AP2A1: variants seen among roughly 807,000 people sequenced by gnomAD.
AP2A1 encodes the protein AP-2 complex subunit alpha-1.
AP2A1 carries 21 observed loss-of-function variants against 107.3 expected under a neutral mutation model. That is an observed-to-expected ratio of 0.20 (90% confidence interval 0.14 to 0.28). AP2A1 has a LOEUF of 0.28. Ranked by LOEUF, AP2A1 falls within the 10% of genes least tolerant of loss-of-function variation. AP2A1 has a pLI of 1.00. For missense variants in AP2A1, 873 were observed against 1,307.7 expected (o/e 0.67, Z 5.13); for synonymous variants, 602 against 564.8 (o/e 1.07, Z -0.93).
At chr19:49,800,449 T>G (rs2073264147) in intron 11 of AP2A1, among the ~76,000 whole-genome samples, 1 of 152,010 alleles carries the variant, frequency 6.6e-6, no homozygotes, top group Admixed American at 6.6e-5. Context: ...CAGTCCTGTT[T>G]TTTGTTTGTT....
At position 49,806,220 on chromosome 19, in the gene AP2A1, T is replaced by A; in HGVS notation, c.2757T>A (p.Cys919Ter). Reference sequence around the variant, plus strand: ...AGACTAAAGCCCTGCAGGTGGGCTGTCTGCTTCGGCTGGAGCCCAATGCCC... The same window carrying A: ...AGACTAAAGCCCTGCAGGTGGGCTGACTGCTTCGGCTGGAGCCCAATGCCC... ...IIQTKALQVG[C>*]LLRLEPNAQA... Residue 919 changes from cysteine (C) to a stop codon, truncating the protein, a stop_gained, in exon 22 of 23, where the codon TGT becomes TGA. Transcript: ENST00000354293. LOFTEE classifies it high-confidence loss of function. 6.2e-7 allele frequency: 1 copy of A among 1,607,628 alleles called. No individual in the cohort carries two copies. Among genetic ancestry groups the A allele is most frequent in the Non-Finnish European group, 8.5e-7 (1 of 1,177,422 alleles).
At position 49,782,743 on chromosome 19, in the gene AP2A1, G is replaced by T; in HGVS notation, c.473+19G>T. On this transcript the variant is annotated intron_variant, in intron 4 of 22. Coordinates refer to ENST00000354293, the MANE Select transcript of AP2A1 (RefSeq NM_130787.3). ...TGGCCGGGTAAGGCACTGGGGACCC[G>T]TTGGCAGTGGGGGGCCTGGGGGTGA... The T allele has an allele frequency of 6.4e-7, 1 of 1,567,986 alleles. No individual in the cohort carries two copies. The highest frequency in any genetic ancestry group is 8.6e-7 in the Non-Finnish European group (1 of 1,161,690).
At chr19:49,795,496 A>G (rs2073200511) in intron 6 of AP2A1, 134 bp from the exon 7 acceptor site, 1 of 651,808 alleles carries the variant, frequency 1.5e-6, no homozygotes, top group South Asian at 1.8e-5. Flanking sequence ...GTCTCTACAA[A>G]AAAAACCCAC....
chr19:49,772,433 C>G (rs2084572546), intron 1 of AP2A1, among the ~76,000 whole-genome samples: 1 of 151,450 alleles, frequency 6.6e-6, no homozygotes, highest in African/African-American at 2.4e-5. Context: ...CTACCTCGGC[C>G]TCCCGAAGTG....
At chr19:49,781,472 C>T (rs2084674625) in intron 1 of AP2A1, among the ~76,000 whole-genome samples, 1 of 152,006 alleles carries the variant, frequency 6.6e-6, no homozygotes, top group Non-Finnish European at 1.5e-5. Context: ...TGTCTGGGGC[C>T]CTGAGGAGCC....
chr19:49,803,198 C>T lies in AP2A1; in HGVS notation c.2254+9C>T, dbSNP rs767929990. The T allele has an allele frequency of 2.5e-6, 4 of 1,613,740 alleles. No individual in the cohort carries two copies. Among genetic ancestry groups the T allele is most frequent in the Admixed American group, 3.3e-5 (2 of 59,992 alleles). On this transcript the variant is annotated intron_variant, in intron 17 of 22. Transcript: ENST00000354293. Reference sequence around the variant, plus strand: ...GTTCCGACAGAACCTGGGTGTGTCCCGGGGGACTGTGGGAATGGGTCGGAG... The same window carrying T: ...GTTCCGACAGAACCTGGGTGTGTCCTGGGGGACTGTGGGAATGGGTCGGAG...
At chr19:49,789,415 C>T (rs1053358387) in intron 4 of AP2A1, among the ~76,000 whole-genome samples, 30 of 152,174 alleles carry the variant, frequency 2.0e-4, no homozygotes, top group South Asian at 6.2e-4. Flanking sequence ...CCCAGCCTCC[C>T]GAGTAGCTAG....
intron 1 of AP2A1, 68 bp downstream of exon 1, chr19:49,767,268 G>C: frequency 1.9e-6 from 3 of 1,563,474 alleles, no homozygotes; most frequent in South Asian, 1.1e-5. Context: ...GGGGTTTGGG[G>C]ATCACAGAGG....
chr19:49,798,728 G>C (rs2073241020), intron 7 of AP2A1, 74 bp from the exon 8 acceptor site: 3 of 1,531,208 alleles, frequency 2.0e-6, no homozygotes, highest in Admixed American at 2.1e-5. Context: ...AGGAGCTGGG[G>C]CATGGCCACC....
At position 49,782,727 on chromosome 19, in the gene AP2A1, A is replaced by G. The variant is rs376080245; in HGVS notation, c.473+3A>G. The G allele has an allele frequency of 3.1e-6, 5 of 1,591,934 alleles. No individual in the cohort carries two copies. The highest frequency in any genetic ancestry group is 4.3e-6 in the Non-Finnish European group (5 of 1,172,894). ...ATCCCCCGCATCCTGGTGGCCGGGT[A>G]AGGCACTGGGGACCCGTTGGCAGTG... is the stretch of plus-strand genomic sequence containing the variant. On this transcript the variant is annotated splice_donor_region_variant and intron_variant, in intron 4 of 22. Coordinates refer to ENST00000354293, the MANE Select transcript of AP2A1 (RefSeq NM_130787.3).
At chr19:49,799,097 T>C in intron 8 of AP2A1, 145 bp downstream of exon 8, 1 of 1,278,990 alleles carries the variant, frequency 7.8e-7, no homozygotes, top group Non-Finnish European at 1.1e-6. Flanking sequence ...AAGTGTCACC[T>C]GTGAGGTTGG....
At chr19:49,770,333 A>AT (rs898377694) in intron 1 of AP2A1, among the ~76,000 whole-genome samples, 42 of 152,236 alleles carry the variant, frequency 2.8e-4, no homozygotes, top group African/African-American at 9.4e-4. Flanking sequence ...AGCCACAGGA[A>AT]TTAGGGCTGG....
chr19:49,770,715 G>A (rs961715695), intron 1 of AP2A1, among the ~76,000 whole-genome samples: 1 of 152,190 alleles, frequency 6.6e-6, no homozygotes, highest in African/African-American at 2.4e-5. Context: ...AAAGAAGCCA[G>A]ACACAGGAGG....
chr19:49,800,865 T>G, intron 11 of AP2A1, 96 bp from the exon 12 acceptor site: 1 of 1,015,160 alleles, frequency 9.9e-7, no homozygotes, highest in Non-Finnish European at 1.4e-6. Context: ...GCAGCAGAGC[T>G]TTCAGTGTTC....
At chr19:49,792,116 C>A (rs2073150827) in intron 5 of AP2A1, 52 bp downstream of exon 5, 15 of 1,586,052 alleles carry the variant, frequency 9.5e-6, no homozygotes, top group Non-Finnish European at 1.3e-5. Flanking sequence ...CACCTCAGCC[C>A]TGACCCCCCT....
chr19:49,802,398 TCTTC>T lies in AP2A1; in HGVS notation c.2114+261_2114+264del, dbSNP rs2073298169. The T allele has an allele frequency of 4.1e-6, 4 of 980,404 alleles. No individual in the cohort carries two copies. The South Asian group carries it at 4.1e-5, about 10-fold the overall frequency. The allele number at this position is 980,404 out of a possible 1,614,324, so 60.7% of individuals were successfully genotyped here. A position where few individuals can be genotyped will look rare whatever the true frequency, so the allele number is the denominator to read the frequency against. On this transcript the variant is annotated intron_variant, in intron 15 of 22. Transcript: ENST00000354293. Reference sequence around the variant, plus strand: ...TTCCTGTCACCGTTTCTCAGCCTGCTCTTCCTTTTCTCCTTCTCTCCTTCCCTCT... The same window carrying T: ...TTCCTGTCACCGTTTCTCAGCCTGCTCTTTTCTCCTTCTCTCCTTCCCTCT...
chr19:49,801,989 C>G lies in AP2A1; in HGVS notation c.1962C>G (p.Pro654=), dbSNP rs1459033254. 7 of 1,518,868 alleles carry G rather than the reference C, an allele frequency of 4.6e-6. No individual in the cohort carries two copies. The East Asian group carries it at 1.4e-4, about 31-fold the overall frequency. The allele number at this position is 1,518,868 out of a possible 1,614,324, so 94.1% of individuals were successfully genotyped here. The change falls in exon 15 of 23, where the codon CCC becomes CCG. Residue 654 remains proline, a synonymous_variant. Coordinates refer to ENST00000354293, the MANE Select transcript of AP2A1 (RefSeq NM_130787.3). ...ACCTGCGCTTCCTACAGTCGACGCC[C>G]TCGCCCTCCGCCGACCTCCTGGGGC... is the stretch of plus-strand genomic sequence containing the variant. ...MEPTPSTVST[P]SPSADLLGLR... is the part of the protein sequence containing the mutation.
At chr19:49,795,823 A>ACC (rs2073206809) in intron 7 of AP2A1, 85 bp downstream of exon 7, 2 of 1,056,058 alleles carry the variant, frequency 1.9e-6, no homozygotes, top group Non-Finnish European at 2.8e-6. Flanking sequence ...ACCAGGTGGG[A>ACC]CTGGAGGGTC....
intron 9 of AP2A1, 39 bp downstream of exon 9, chr19:49,799,534 C>T (rs761406630): frequency 1.9e-6 from 3 of 1,605,240 alleles, no homozygotes; most frequent in African/African-American, 1.3e-5. Flanking sequence ...CTGCCACCCC[C>T]CTCAGAAAGA....
Sources: allele counts gnomAD v4.1 joint callset (sites outside exome capture counted in the v4.1 genomes callset), GRCh38; gene constraint gnomAD v4.1.1; transcripts MANE v1.5; gene names NCBI Gene and HGNC (gene_info 2026-07-23, HGNC 2026-07-21).